Variants in NCAPH2 observed in about 807,000 individuals in gnomAD.
The protein encoded by NCAPH2 is non-SMC condensin II complex subunit H2.
In NCAPH2, 56 loss-of-function variants were observed where a neutral mutation model predicts 88.6. That is an observed-to-expected ratio of 0.63 (90% CI 0.51 to 0.79). The LOEUF is 0.79. NCAPH2 is among the 30% of genes least tolerant of loss of function. The pLI is 0.00. For synonymous variants in NCAPH2, 378 were observed against 313.6 expected (o/e 1.21, Z -2.17); for missense variants, 794 against 792.0 (o/e 1.00, Z -0.03).
At chr22:50,508,956 ACTC>A (rs756788152) in intron 1 of NCAPH2, among the ~76,000 whole-genome samples, 22 of 151,602 alleles carry the variant, frequency 1.5e-4, no homozygotes, top group Non-Finnish European at 3.1e-4. Flanking sequence ...CTTCATTTTT[ACTC>A]CTCAGCCCAG....
In NCAPH2 at chr22:50,523,618, A is replaced by T; in HGVS notation, c.*243A>T. The T allele has an allele frequency of 6.2e-7, 1 of 1,613,426 alleles. No homozygotes were observed. The highest frequency in any genetic ancestry group is 8.5e-7 in the Non-Finnish European group (1 of 1,179,984). ...GGCCCAGACTGCAGTGGCTCAAGACAGGACACTGCGGAAAGCCGCCATGTG... is the reference window on the plus strand; with the variant it reads ...GGCCCAGACTGCAGTGGCTCAAGACTGGACACTGCGGAAAGCCGCCATGTG... On this transcript the variant is annotated 3_prime_UTR_variant, in exon 20 of 20. Coordinates refer to ENST00000420993, the MANE Select transcript of NCAPH2 (RefSeq NM_152299.4).
At chr22:50,517,379 G>A (rs1259714713) in intron 2 of NCAPH2, 48 bp from the exon 3 acceptor site, 3 of 1,601,126 alleles carry the variant, frequency 1.9e-6, no homozygotes, top group Non-Finnish European at 2.6e-6. Flanking sequence ...AGGCCTTGGG[G>A]GTGGGCCCCT....
intron 1 of NCAPH2, among the ~76,000 whole-genome samples, chr22:50,514,674 C>G (rs9628201): frequency 0.093 from 14,083 of 152,240 alleles, 2,149 homozygotes; most frequent in African/African-American, 0.32. Flanking sequence ...ATGTTCCCTT[C>G]TTTCTGGACC....
chr22:50,520,844 T>A, intron 9 of NCAPH2, 121 bp from the exon 10 acceptor site: 15 of 1,136,774 alleles, frequency 1.3e-5, no homozygotes, highest in Non-Finnish European at 1.9e-5. Flanking sequence ...ATTACAGGCA[T>A]GAGCCACCAC....
At chr22:50,515,380 G>A (rs2068886322) in intron 1 of NCAPH2, among the ~76,000 whole-genome samples, 1 of 151,172 alleles carries the variant, frequency 6.6e-6, no homozygotes, top group Non-Finnish European at 1.5e-5. Flanking sequence ...GGGCAACATA[G>A]AGAAACCCTG....
Position 50,508,286 on chromosome 22 carries a change from A to G in NCAPH2, c.-52A>G, listed in dbSNP as rs1229247632. ...ACTAGTGGCGGGCTGAGGACGCCGT[A>G]CCCCTCGGAAGGCAGCCCTGCGGTC... On this transcript the variant is annotated 5_prime_UTR_variant, in exon 1 of 20. Transcript: ENST00000420993. 8 of 1,337,608 alleles carry G rather than the reference A, an allele frequency of 6.0e-6. No homozygotes were observed. Among genetic ancestry groups the G allele is most frequent in the Non-Finnish European group, 7.9e-6 (8 of 1,006,672 alleles). 82.9% of individuals were successfully genotyped at this position (1,337,608 alleles called of 1,614,324 possible).
At chr22:50,522,131 C>T (rs1331786282) in intron 13 of NCAPH2, 50 bp from the exon 14 acceptor site, 3 of 1,611,206 alleles carry the variant, frequency 1.9e-6, no homozygotes, top group Non-Finnish European at 2.5e-6. Flanking sequence ...GGTGGACTGG[C>T]ACGGGGCCTG....
Position 50,518,117 on chromosome 22 carries a change from G to A in NCAPH2, c.501-16G>A. ...TGGGAAGGGTCTCTACAGCAGGCGTGTTTTTGCCAGCACAGCCGTCAGGGT... is the reference window on the plus strand; with the variant it reads ...TGGGAAGGGTCTCTACAGCAGGCGTATTTTTGCCAGCACAGCCGTCAGGGT... On this transcript the variant is annotated splice_polypyrimidine_tract_variant and intron_variant, in intron 6 of 19. Transcript: ENST00000420993. The A allele has an allele frequency of 1.2e-6, 2 of 1,613,892 alleles. No individual in the cohort carries two copies. The highest frequency in any genetic ancestry group is 1.7e-6 in the Non-Finnish European group (2 of 1,179,862).
rs1190136813 is a variant in NCAPH2 at position 50,511,678 on chromosome 22, C to T, written c.108+3233C>T. ...TTTTTTTTCTTGAGACAGAGTCTTG[C>T]CCTGTGGCCCAAGTTGGAGTGCAGT... On this transcript the variant is annotated intron_variant, in intron 1 of 19. Coordinates refer to ENST00000420993, the MANE Select transcript of NCAPH2 (RefSeq NM_152299.4). Among the ~76,000 whole-genome samples the T allele has an allele frequency of 1.5e-5, 2 of 135,642 alleles. 1 individual carries two copies. The highest frequency in any genetic ancestry group is 6.3e-5 in the African/African-American group (2 of 31,870). 89.0% of individuals were successfully genotyped at this position (135,642 alleles called of 152,430 possible).
rs765295383 is a variant in NCAPH2, at chr22:50,522,937, C to G, written c.1527+15C>G. On this transcript the variant is annotated intron_variant, in intron 18 of 19. Transcript: ENST00000420993. ...TCCAGGAGCAGGTGAGGCGGGGCCG[C>G]TGGGAACCAGAGCTGTGTGCCACGG... The G allele has an allele frequency of 6.2e-7, 1 of 1,612,492 alleles. No individual in the cohort carries two copies. Among genetic ancestry groups the G allele is most frequent in the East Asian group, 2.2e-5 (1 of 44,878 alleles).
chr22:50,519,000 T>C (rs962945371), intron 8 of NCAPH2, among the ~76,000 whole-genome samples, 190 bp from the exon 9 acceptor site: 16 of 152,084 alleles, frequency 1.1e-4, no homozygotes, highest in Non-Finnish European at 2.4e-4. Context: ...AAGAGGAACA[T>C]TTGCTAAGAA....
Position 50,518,809 on chromosome 22 carries a change from G to C in NCAPH2, c.730+77G>C, listed in dbSNP as rs1229189812. 8 of 1,350,826 alleles carry C rather than the reference G, an allele frequency of 5.9e-6. No individual in the cohort carries two copies. In the South Asian group the frequency reaches 9.2e-5, roughly 16 times the overall value. 83.7% of individuals were successfully genotyped at this position (1,350,826 alleles called of 1,614,324 possible). A position where few individuals can be genotyped will look rare whatever the true frequency, so the allele number is the denominator to read the frequency against. On this transcript the variant is annotated intron_variant, in intron 8 of 19. Coordinates refer to ENST00000420993, the MANE Select transcript of NCAPH2 (RefSeq NM_152299.4). ...AGGGAGGCAGCACCCAGTGGACAGG[G>C]CTCCAAGGGGCTGCTCTCAGCTGCC...
At position 50,518,180 on chromosome 22, in the gene NCAPH2, C is replaced by T. The variant is rs757866198; in HGVS notation, c.548C>T (p.Thr183Met). ...AGCCGGAAGGATTTCAGGATGAACACGTGCGTTCCCCACCCCAGAGGGGCC... is the reference window on the plus strand; with the variant it reads ...AGCCGGAAGGATTTCAGGATGAACATGTGCGTTCCCCACCCCAGAGGGGCC... ...LASRKDFRMNTCVPHPRGAFM... is the reference protein window; with the variant it reads ...LASRKDFRMNMCVPHPRGAFM... The change falls in exon 7 of 20, where the codon ACG becomes ATG. Residue 183 changes from threonine to methionine, a missense_variant. By Grantham distance (81) the Thr-to-Met change is moderately conservative. Transcript: ENST00000420993. The T allele has an allele frequency of 7.4e-6, 12 of 1,614,118 alleles. No homozygotes were observed. Among genetic ancestry groups the T allele is most frequent in the East Asian group, 2.2e-5 (1 of 44,886 alleles).
At position 50,523,017 on chromosome 22, in the gene NCAPH2, G is replaced by A; in HGVS notation, c.1528G>A (p.Glu510Lys). The A allele has an allele frequency of 1.2e-6, 2 of 1,602,644 alleles. No homozygotes were observed. Among genetic ancestry groups the A allele is most frequent in the Non-Finnish European group, 1.7e-6 (2 of 1,172,778 alleles). ...DTVQPLLQEQ[E>K]QHVPFDIHTY... ...GCCAACATGCCCCTCCCCTGTGCAG[G>A]AGCAGCATGTGCCCTTTGACATCCA... The change falls in exon 19 of 20, where the codon GAG becomes AAG. Residue 510 changes from glutamate to lysine, a missense_variant and splice_region_variant. Around this residue, in one of 2 missense-constraint regions of NCAPH2, gnomAD observed 735 missense variants for 696.3 expected, o/e 1.06. Coordinates refer to ENST00000420993, the MANE Select transcript of NCAPH2 (RefSeq NM_152299.4).
At position 50,524,370 on chromosome 22, in the gene NCAPH2, G is replaced by C; in HGVS notation, c.*995G>C. On this transcript the variant is annotated 3_prime_UTR_variant, in exon 20 of 20. Coordinates refer to ENST00000420993, the MANE Select transcript of NCAPH2 (RefSeq NM_152299.4). ...GGAGGACCCGAGGCTTGAGCTGAGA[G>C]AGCCTGTGCCAAGCTGTGGGGCTCC... 2.5e-6 allele frequency: 4 copies of C among 1,602,886 alleles called. No homozygotes were observed. The highest frequency in any genetic ancestry group is 3.4e-6 in the Non-Finnish European group (4 of 1,179,928).
chr22:50,524,161 C>T lies in NCAPH2; in HGVS notation c.*786C>T, dbSNP rs1228771031. On this transcript the variant is annotated 3_prime_UTR_variant, in exon 20 of 20. Transcript: ENST00000420993. The stretch of plus-strand genomic sequence containing the variant: ...TTCTGTTCGCTTTTGCTGCTGCAGC[C>T]TCTCCTTCTCAGCCCTCAGGGCCAG... 4 of 1,610,998 alleles carry T rather than the reference C, an allele frequency of 2.5e-6. No individual in the cohort carries two copies. The highest frequency in any genetic ancestry group is 2.2e-5 in the East Asian group (1 of 44,892).
chr22:50,511,285 CTTTTTTTTTT>C lies in NCAPH2; in HGVS notation c.108+2853_108+2862del, dbSNP rs910583115. On this transcript the variant is annotated intron_variant, in intron 1 of 19. Coordinates refer to ENST00000420993, the MANE Select transcript of NCAPH2 (RefSeq NM_152299.4). ...TCAAGCAGTTCTCCTGCCTCAGCCT[CTTTTTTTTTT>C]TTTTTTTTTTTTGAGACGGAGTCTC... is the stretch of plus-strand genomic sequence containing the variant. Among the ~76,000 whole-genome samples, 9 of 109,654 alleles carry C rather than the reference CTTTTTTTTTT, an allele frequency of 8.2e-5. No homozygotes were observed. The South Asian group carries it at 1.3e-3, about 16-fold the overall frequency. The allele number at this position is 109,654 out of a possible 152,430, so 71.9% of individuals were successfully genotyped here.
In NCAPH2 at chr22:50,516,453, C is replaced by G; in HGVS notation, c.115C>G (p.Gln39Glu). Residue 39 changes from glutamine (Q) to glutamate (E), a missense_variant, in exon 2 of 20, where the codon CAG becomes GAG. Coordinates refer to ENST00000420993, the MANE Select transcript of NCAPH2 (RefSeq NM_152299.4). ...TTTGTGTTGTTTCTTGCAGCTGGAT[C>G]AGATCTGCATTTCTTTTGACGAAGG... ...QLGEYLEELD[Q>E]ICISFDEGKT... 1 of 1,614,074 alleles carries G rather than the reference C, an allele frequency of 6.2e-7. No individual in the cohort carries two copies. The highest frequency in any genetic ancestry group is 8.5e-7 in the Non-Finnish European group (1 of 1,179,928).
intron 2 of NCAPH2, among the ~76,000 whole-genome samples, chr22:50,516,791 T>C (rs1280726965): frequency 6.6e-6 from 1 of 152,242 alleles, no homozygotes; most frequent in Non-Finnish European, 1.5e-5. Context: ...TGACACCTGC[T>C]GTGTGCACTT....
Sources: gnomAD v4.1 joint callset for allele counts (sites outside exome capture counted in the v4.1 genomes callset) on GRCh38, gnomAD v4.1.1 for gene constraint, gnomAD v4.1.1 regional missense constraint, MANE v1.5 for transcripts, NCBI Gene and HGNC (gene_info 2026-07-23, HGNC 2026-07-21) for gene names.